The following TBPL1 variants were observed in gnomAD, a reference collection of about 807,000 sequenced individuals.
TBPL1 encodes TATA-box binding protein like 1, also known as TATA box-binding protein-like 1.
A neutral mutation model predicts 22.1 loss-of-function variants in TBPL1; 4 were observed. The observed-to-expected ratio is 0.18, with a 90% CI of 0.09 to 0.41. The LOEUF (loss-of-function observed/expected upper bound fraction) is 0.41. Ranked by LOEUF, TBPL1 falls within the 10% of genes least tolerant of loss-of-function variation. TBPL1 has a pLI of 1.00. For missense variants in TBPL1, 115 were observed against 222.3 expected, an observed-to-expected ratio of 0.52 and a Z score of 3.07; for synonymous variants, 64 against 71.0, an observed-to-expected ratio of 0.90 and a Z score of 0.50.
intron 1 of TBPL1, among the ~76,000 whole-genome samples, chr6:133,958,830 A>G (rs1775969996): frequency 6.6e-6 from 1 of 152,096 alleles, no homozygotes; most frequent in African/African-American, 2.4e-5. Context: ...AAGTGTTATA[A>G]TTCCTTCTTC....
intron 1 of TBPL1, among the ~76,000 whole-genome samples, chr6:133,975,413 A>G (rs1021084496): frequency 8.5e-5 from 13 of 152,188 alleles, no homozygotes; most frequent in Admixed American, 2.6e-4. Flanking sequence ...TTTAAATTCA[A>G]TCTAATTTAA....
In TBPL1 at chr6:133,980,109, A is replaced by G; in HGVS notation, c.-17A>G. Reference sequence around the variant, plus strand: ...TGTGATCTTCGTGGTGGAAAGCTAAATTTTAAAACCACCCCAATGGATGCA... The same window carrying G: ...TGTGATCTTCGTGGTGGAAAGCTAAGTTTTAAAACCACCCCAATGGATGCA... On this transcript the variant is annotated 5_prime_UTR_variant, in exon 2 of 7. Coordinates refer to ENST00000237264, the MANE Select transcript of TBPL1 (RefSeq NM_004865.4). The G allele has an allele frequency of 6.8e-7, 1 of 1,479,656 alleles. No homozygotes were observed. Among genetic ancestry groups the G allele is most frequent in the Non-Finnish European group, 9.0e-7 (1 of 1,111,962 alleles). The allele number at this position is 1,479,656 out of a possible 1,614,324, so 91.7% of individuals were successfully genotyped here. A position where few individuals can be genotyped will look rare whatever the true frequency, so the allele number is the denominator to read the frequency against.
chr6:133,964,146 C>T (rs1583812287), intron 1 of TBPL1, among the ~76,000 whole-genome samples: 1 of 152,128 alleles, frequency 6.6e-6, no homozygotes, highest in Admixed American at 6.5e-5. Flanking sequence ...ATTACTCACC[C>T]TACTGTTGTG....
chr6:133,986,199 T>G (rs890300362), intron 6 of TBPL1, among the ~76,000 whole-genome samples: 1 of 152,144 alleles, frequency 6.6e-6, no homozygotes. Flanking sequence ...TTCAGAGAGT[T>G]TACAGTGGGT....
intron 1 of TBPL1, among the ~76,000 whole-genome samples, chr6:133,962,637 T>A (rs1776044293): frequency 6.6e-6 from 1 of 152,198 alleles, no homozygotes; most frequent in African/African-American, 2.4e-5. Flanking sequence ...TTCAGATATC[T>A]GATAGGTCAG....
intron 1 of TBPL1, among the ~76,000 whole-genome samples, chr6:133,959,541 G>T (rs1481152172): frequency 1.3e-5 from 2 of 152,008 alleles, no homozygotes; most frequent in Non-Finnish European, 2.9e-5. Context: ...GAGTGCAGTG[G>T]CGCGATCTCG....
chr6:133,962,492 G>A (rs908537586), intron 1 of TBPL1, among the ~76,000 whole-genome samples: 5 of 152,228 alleles, frequency 3.3e-5, no homozygotes, highest in Admixed American at 2.0e-4. Context: ...GTTGAAGTGA[G>A]CGAGTGTTAA....
intron 6 of TBPL1, among the ~76,000 whole-genome samples, chr6:133,986,672 A>G (rs1776531206): frequency 6.6e-6 from 1 of 152,178 alleles, no homozygotes; most frequent in African/African-American, 2.4e-5. Flanking sequence ...TTTCATGTAC[A>G]TATTATATTA....
intron 1 of TBPL1, among the ~76,000 whole-genome samples, chr6:133,977,723 C>T (rs1395352276): frequency 6.6e-6 from 1 of 152,184 alleles, no homozygotes; most frequent in East Asian, 1.9e-4. Flanking sequence ...TTCTCTCATA[C>T]TCATGAGGTC....
intron 1 of TBPL1, among the ~76,000 whole-genome samples, chr6:133,977,929 TAG>T (rs1472540354): frequency 6.6e-6 from 1 of 152,182 alleles, no homozygotes; most frequent in East Asian, 1.9e-4. Flanking sequence ...CTTGCTGGCT[TAG>T]TTGGTTGCTC....
chr6:133,959,236 C>T (rs952095071), intron 1 of TBPL1, among the ~76,000 whole-genome samples: 7 of 152,064 alleles, frequency 4.6e-5, no homozygotes, highest in Non-Finnish European at 1.0e-4. Context: ...TGCAGGGTTT[C>T]CCCATGTTGG....
At chr6:133,972,534 G>A (rs1156886634) in intron 1 of TBPL1, among the ~76,000 whole-genome samples, 1 of 152,102 alleles carries the variant, frequency 6.6e-6, no homozygotes, top group African/African-American at 2.4e-5. Context: ...GGTTCATTTG[G>A]TTCTTGTCAC....
chr6:133,963,615 T>C (rs1199686684), intron 1 of TBPL1, among the ~76,000 whole-genome samples: 1 of 152,048 alleles, frequency 6.6e-6, no homozygotes, highest in Non-Finnish European at 1.5e-5. Flanking sequence ...CGAGACAGAG[T>C]CTCACCATGT....
intron 1 of TBPL1, among the ~76,000 whole-genome samples, chr6:133,956,904 G>A (rs1467198541): frequency 6.6e-6 from 1 of 152,166 alleles, no homozygotes; most frequent in Non-Finnish European, 1.5e-5. Context: ...GACTGTATAC[G>A]TATCTGAGGT....
At chr6:133,956,666 G>A (rs1294515931) in intron 1 of TBPL1, among the ~76,000 whole-genome samples, 1 of 152,206 alleles carries the variant, frequency 6.6e-6, no homozygotes, top group Non-Finnish European at 1.5e-5. Flanking sequence ...AGCTTAGCTA[G>A]TGGATGAAGG....
At chr6:133,963,836 C>T (rs1776067938) in intron 1 of TBPL1, among the ~76,000 whole-genome samples, 1 of 151,118 alleles carries the variant, frequency 6.6e-6, no homozygotes, top group African/African-American at 2.4e-5. Context: ...CGAGACCATC[C>T]TGGCTAACGT....
chr6:133,962,005 T>C (rs1034479095), intron 1 of TBPL1, among the ~76,000 whole-genome samples: 1 of 151,962 alleles, frequency 6.6e-6, no homozygotes, highest in Non-Finnish European at 1.5e-5. Flanking sequence ...TTCACATGAG[T>C]TGCATACTAA....
chr6:133,975,922 A>G (rs554237787), intron 1 of TBPL1, among the ~76,000 whole-genome samples: 1 of 152,298 alleles, frequency 6.6e-6, no homozygotes, highest in South Asian at 2.1e-4. Flanking sequence ...TATCTTAAAT[A>G]TATGGTAGTG....
At chr6:133,980,024 G>A in intron 1 of TBPL1, 58 bp from the exon 2 acceptor site, 2 of 1,216,722 alleles carry the variant, frequency 1.6e-6, no homozygotes, top group Non-Finnish European at 2.2e-6. Flanking sequence ...TTTCAAAATT[G>A]TGAAAAGTGA....
Sources: allele counts gnomAD v4.1 joint callset (sites outside exome capture counted in the v4.1 genomes callset), GRCh38; gene constraint gnomAD v4.1.1; transcripts MANE v1.5; gene names NCBI Gene and HGNC (gene_info 2026-07-23, HGNC 2026-07-21).